The following BRSK2 variants were observed in gnomAD, a reference collection of about 807,000 sequenced individuals.
BRSK2 encodes BR serine/threonine kinase 2, also known as serine/threonine-protein kinase BRSK2.
Under a neutral mutation model 83.3 loss-of-function variants are expected in BRSK2, and 19 were observed. That is an observed-to-expected ratio of 0.23 (90% CI 0.16 to 0.33). BRSK2 has a LOEUF of 0.33. BRSK2 is among the 10% of genes least tolerant of loss of function. BRSK2 has a pLI of 1.00. For synonymous variants in BRSK2, 519 were observed against 435.4 expected (o/e 1.19, Z -2.39); for missense variants, 798 against 1,042.3 (o/e 0.77, Z 3.23).
In BRSK2 at chr11:1,460,734, C is replaced by CT. The variant is rs1461548228; in HGVS notation, c.*11_*12insT. ...CGCGAGCAGCCTTAGACACACTAGC[C>CT]CCCCCCCCCAGCACAGCACTGACAG... On this transcript the variant is annotated 3_prime_UTR_variant, in exon 20 of 20. Transcript: ENST00000528841. The CT allele has an allele frequency of 2.5e-6, 2 of 796,544 alleles. No individual in the cohort carries two copies. Among genetic ancestry groups the CT allele is most frequent in the African/African-American group, 1.1e-4 (2 of 17,642 alleles). 49.3% of individuals were successfully genotyped at this position (796,544 alleles called of 1,614,324 possible). A position where few individuals can be genotyped will look rare whatever the true frequency, so the allele number is the denominator to read the frequency against.
rs1168777616 is a variant in BRSK2, at chr11:1,450,645, T to C, written c.1346T>C (p.Val449Ala). Reference sequence around the variant, plus strand: ...CTCCCCACCCCCAAGGGGACACCTGTCCACACGCCAAAGGAGAGCCCGGCT... The same window carrying C: ...CTCCCCACCCCCAAGGGGACACCTGCCCACACGCCAAAGGAGAGCCCGGCT... Reference protein sequence around the residue: ...SPLPTPKGTPVHTPKESPAGT... With the variant: ...SPLPTPKGTPAHTPKESPAGT... The change falls in exon 14 of 20, where the codon GTC becomes GCC. Residue 449 changes from valine to alanine, a missense_variant. By Grantham distance (64) the Val-to-Ala change is moderately conservative. Around this residue, in one of 6 missense-constraint regions of BRSK2, gnomAD observed 455 missense variants for 455.2 expected, o/e 1.00. Coordinates refer to ENST00000528841, the MANE Select transcript of BRSK2 (RefSeq NM_001256627.2). 8.7e-6 allele frequency: 14 copies of C among 1,607,962 alleles called. No homozygotes were observed. Among genetic ancestry groups the C allele is most frequent in the Admixed American group, 3.4e-5 (2 of 59,096 alleles).
chr11:1,403,598 C>T (rs1026886399), intron 1 of BRSK2, among the ~76,000 whole-genome samples: 4 of 152,346 alleles, frequency 2.6e-5, no homozygotes, highest in Admixed American at 2.6e-4. Context: ...AACTGATACC[C>T]CACCTCTGAC....
In BRSK2 at chr11:1,433,068, CT is replaced by C. The variant is rs1171846781; in HGVS notation, c.92-2971del. Among the ~76,000 whole-genome samples, 31 of 44,448 alleles carry C rather than the reference CT, an allele frequency of 7.0e-4. 6 individuals carry two copies. Among genetic ancestry groups the C allele is most frequent in the African/African-American group, 2.7e-3 (26 of 9,608 alleles). 29.2% of individuals were successfully genotyped at this position (44,448 alleles called of 152,430 possible). On this transcript the variant is annotated intron_variant, in intron 1 of 19. Coordinates refer to ENST00000528841, the MANE Select transcript of BRSK2 (RefSeq NM_001256627.2). ...GGTCTGGTCAGGTTTTGCCACTGTG[CT>C]CAGCAGTGAGCCTCTTCTGCGGTCT... is the stretch of plus-strand genomic sequence containing the variant.
chr11:1,446,137 G>A (rs1852064791), intron 12 of BRSK2, among the ~76,000 whole-genome samples: 2 of 150,140 alleles, frequency 1.3e-5, no homozygotes, highest in African/African-American at 4.9e-5. Context: ...GGGCTGTGCT[G>A]GACTGGACTG....
At chr11:1,433,410 T>C (rs1849850580) in intron 1 of BRSK2, among the ~76,000 whole-genome samples, 1 of 152,252 alleles carries the variant, frequency 6.6e-6, no homozygotes, top group South Asian at 2.1e-4. Flanking sequence ...TGGGCATTTC[T>C]GGGTCATTTC....
chr11:1,442,380 G>C (rs551112202), intron 4 of BRSK2, 110 bp from the exon 5 acceptor site: 2 of 761,130 alleles, frequency 2.6e-6, no homozygotes, highest in Non-Finnish European at 4.6e-6. Flanking sequence ...TGGCCCTTAT[G>C]TGTGATTGGC....
intron 1 of BRSK2, among the ~76,000 whole-genome samples, chr11:1,426,984 C>A (rs1006932666): frequency 6.6e-6 from 1 of 152,134 alleles, no homozygotes; most frequent in African/African-American, 2.4e-5. Flanking sequence ...TAGTCTGGTG[C>A]GTGCCGGGGC....
At position 1,402,207 on chromosome 11, in the gene BRSK2, G is replaced by C. The variant is rs982418915; in HGVS notation, c.91+11832G>C. 3.3e-5 allele frequency among the ~76,000 whole-genome samples: 5 copies of C among 152,336 alleles called. No homozygotes were observed. The South Asian group carries it at 1.0e-3, about 32-fold the overall frequency. On this transcript the variant is annotated intron_variant, in intron 1 of 19. Coordinates refer to ENST00000528841, the MANE Select transcript of BRSK2 (RefSeq NM_001256627.2). ...ACCTTGCGCTCTCCAGAGGCGGTGG[G>C]TGTCGGGGCTCCCCGGGGCGGGGCA...
intron 14 of BRSK2, 102 bp downstream of exon 14, chr11:1,450,896 T>C: frequency 1.7e-6 from 2 of 1,175,788 alleles, no homozygotes; most frequent in Non-Finnish European, 2.3e-6. Context: ...GAGGGGCCTG[T>C]AGCTGCAGGG....
chr11:1,458,001 G>A (rs1846852687), intron 18 of BRSK2, among the ~76,000 whole-genome samples: 3 of 152,188 alleles, frequency 2.0e-5, no homozygotes, highest in East Asian at 1.9e-4. Context: ...TACAGCGGAG[G>A]CCATGCCGTC....
At chr11:1,437,689 G>A (rs1850509186) in intron 2 of BRSK2, among the ~76,000 whole-genome samples, 1 of 152,224 alleles carries the variant, frequency 6.6e-6, no homozygotes, top group Non-Finnish European at 1.5e-5. Flanking sequence ...GCCCACAGAG[G>A]CCTGTCCCGG....
Position 1,445,859 on chromosome 11 carries a change from C to G in BRSK2, c.1178C>G (p.Ser393Cys). 1 of 1,612,166 alleles carries G rather than the reference C, an allele frequency of 6.2e-7. No homozygotes were observed. The highest frequency in any genetic ancestry group is 1.1e-5 in the South Asian group (1 of 91,042). The change falls in exon 12 of 20, where the codon TCC becomes TGC. Residue 393 changes from serine to cysteine, a missense_variant. By Grantham distance (112) the Ser-to-Cys change is moderately radical. Coordinates refer to ENST00000528841, the MANE Select transcript of BRSK2 (RefSeq NM_001256627.2). ...MEVLSVTDGGSPVPARRAIEM... is the reference protein window; with the variant it reads ...MEVLSVTDGGCPVPARRAIEM... ...GTGCTCAGCGTGACGGACGGCGGCT[C>G]CCCGGTGCCTGCGCGGCGGGCCATT...
At chr11:1,416,053 G>A (rs1246562621) in intron 1 of BRSK2, among the ~76,000 whole-genome samples, 2 of 152,264 alleles carry the variant, frequency 1.3e-5, no homozygotes, top group Non-Finnish European at 2.9e-5. Context: ...CAACCTCAGG[G>A]CTCACCTGGT....
At chr11:1,435,888 G>A in intron 1 of BRSK2, 152 bp from the exon 2 acceptor site, 1 of 584,238 alleles carries the variant, frequency 1.7e-6, no homozygotes, top group South Asian at 2.2e-5. Flanking sequence ...GTTCTGGACA[G>A]CGACCCAGGC....
chr11:1,456,722 T>A (rs985000247), intron 18 of BRSK2, 35 bp downstream of exon 18: 6 of 1,557,778 alleles, frequency 3.9e-6, no homozygotes, highest in Non-Finnish European at 5.2e-6. Flanking sequence ...ACCTGCGGCC[T>A]GCGAGTGGGG....
rs1293014697 is a variant in BRSK2, at chr11:1,438,867, C to T, written c.272+476C>T. Among the ~76,000 whole-genome samples, 3 of 152,192 alleles carry T rather than the reference C, an allele frequency of 2.0e-5. No individual in the cohort carries two copies. Among genetic ancestry groups the T allele is most frequent in the East Asian group, 3.9e-4 (2 of 5,186 alleles). ...CGTGGCTGAGTGTGGCTGAAAGTGT[C>T]ACCTCCGCAGCCGCTGAGGCCAGCA... On this transcript the variant is annotated intron_variant, in intron 3 of 19. Transcript: ENST00000528841. This position sits in a 1 kb window ranked among gnomAD's most constrained non-coding sequence, Gnocchi z 6.4.
At chr11:1,410,440 G>C in intron 1 of BRSK2, 1 of 985,496 alleles carries the variant, frequency 1.0e-6, no homozygotes, top group Non-Finnish European at 1.2e-6. Context: ...TGCAGAGTCC[G>C]TGTTTGGGGG....
Position 1,423,539 on chromosome 11 carries a change from G to A in BRSK2, c.92-12501G>A, listed in dbSNP as rs949808148. ...CGTGTGAGCAGAGGACGGCACTCGC[G>A]AGCTCCCTGGGGCTCCTCAGACCCG... On this transcript the variant is annotated intron_variant, in intron 1 of 19. Coordinates refer to ENST00000528841, the MANE Select transcript of BRSK2 (RefSeq NM_001256627.2). The surrounding 1 kb of genome is among the most constrained non-coding windows in gnomAD (Gnocchi z 6.5). Among the ~76,000 whole-genome samples, 13 of 152,100 alleles carry A rather than the reference G, an allele frequency of 8.5e-5. No individual in the cohort carries two copies. The highest frequency in any genetic ancestry group is 1.9e-4 in the African/African-American group (8 of 41,386).
chr11:1,406,876 G>C (rs963557843), intron 1 of BRSK2, among the ~76,000 whole-genome samples: 1 of 152,222 alleles, frequency 6.6e-6, no homozygotes, highest in African/African-American at 2.4e-5. Flanking sequence ...GTGCAGGTTT[G>C]TGTGCGCCTG....
Sources: allele counts gnomAD v4.1 joint callset (sites outside exome capture counted in the v4.1 genomes callset), GRCh38; gene constraint gnomAD v4.1.1; regional missense constraint gnomAD v4.1.1; non-coding constraint Gnocchi (gnomAD v3.1); transcripts MANE v1.5; gene names NCBI Gene and HGNC (gene_info 2026-07-23, HGNC 2026-07-21).